Variants in SOX30 observed in about 807,000 individuals in gnomAD.
SOX30 encodes transcription factor SOX-30.
In SOX30, 17 loss-of-function variants were observed where a neutral mutation model predicts 58.6. The observed-to-expected ratio is 0.29, with a 90% CI of 0.20 to 0.44. SOX30 has a LOEUF of 0.44. SOX30 is among the 20% of genes least tolerant of loss of function. SOX30 has a pLI of 1.00. For synonymous variants in SOX30, 421 were observed against 400.2 expected (o/e 1.05, Z -0.62); for missense variants, 951 against 965.8 (o/e 0.98, Z 0.20).
chr5:157,630,943 CTA>C (rs1330678609), intron 4 of SOX30, among the ~76,000 whole-genome samples: 19 of 117,164 alleles, frequency 1.6e-4, no homozygotes, highest in Non-Finnish European at 2.1e-4. Context: ...TATATATATA[CTA>C]TATATATTGT....
At chr5:157,662,208 C>G (rs1265401510) in intron 2 of SOX30, among the ~76,000 whole-genome samples, 1 of 152,050 alleles carries the variant, frequency 6.6e-6, no homozygotes, top group Non-Finnish European at 1.5e-5. Flanking sequence ...CTCTTTTAAT[C>G]CCAATTTTGG....
chr5:157,652,371 C>G lies in SOX30; in HGVS notation c.-293G>C. ...CACTTGTTGCACATTTTCGTTCTGA[C>G]TCTCTTGTGGAGTTCTCTTACAGCC... On this transcript the variant is annotated 5_prime_UTR_variant, in exon 1 of 5. Transcript: ENST00000265007. The G allele has an allele frequency of 8.7e-7, 1 of 1,147,592 alleles. No homozygotes were observed. Among genetic ancestry groups the G allele is most frequent in the Non-Finnish European group, 1.1e-6 (1 of 935,432 alleles). 71.1% of individuals were successfully genotyped at this position (1,147,592 alleles called of 1,614,324 possible).
chr5:157,668,679 G>T (rs1344682286), intron 1 of SOX30, among the ~76,000 whole-genome samples: 3 of 152,134 alleles, frequency 2.0e-5, no homozygotes, highest in Non-Finnish European at 4.4e-5. Flanking sequence ...GACACCTCTG[G>T]CTTTTCCTGA....
intron 1 of SOX30, 127 bp downstream of exon 1, chr5:157,650,985 A>G (rs1248664388): frequency 2.9e-6 from 2 of 697,118 alleles, no homozygotes; most frequent in Non-Finnish European, 4.8e-6. Flanking sequence ...ACCTGTGCAG[A>G]CTCTGCCCTG....
At chr5:157,627,908 G>A (rs1758697021) in intron 4 of SOX30, among the ~76,000 whole-genome samples, 3 of 151,720 alleles carry the variant, frequency 2.0e-5, no homozygotes, top group Non-Finnish European at 4.4e-5. Context: ...GCAGGAGAAT[G>A]GCGTGAACCC....
At position 157,651,678 on chromosome 5, in the gene SOX30, T is replaced by A; in HGVS notation, c.401A>T (p.His134Leu). ...CAGCTTCTGCTTCTTGGCCTTGACA[T>A]GCAGCGCCAGGGGCTGCACCGGGTG... The part of the protein sequence containing the change: ...ELHPVQPLAL[H>L]VKAKKQKLGP... The change falls in exon 1 of 5, where the codon CAT (histidine) becomes CTT (leucine). Residue 134 changes from histidine (H) to leucine (L), a missense_variant. This residue lies in a region of SOX30 where 363 missense variants were observed against 294.5 expected (regional missense o/e 1.23). Transcript: ENST00000265007. 6.2e-7 allele frequency: 1 copy of A among 1,607,210 alleles called. No individual in the cohort carries two copies. The highest frequency in any genetic ancestry group is 8.5e-7 in the Non-Finnish European group (1 of 1,177,646).
At chr5:157,633,334 G>C (rs10452508) in intron 4 of SOX30, among the ~76,000 whole-genome samples, 36,075 of 151,936 alleles carry the variant, frequency 0.24, 6,483 homozygotes, top group African/African-American at 0.51. Flanking sequence ...ACAGCACATC[G>C]AGCTTAAAAC....
chr5:157,646,497 T>A, intron 3 of SOX30, 140 bp downstream of exon 3: 3 of 654,284 alleles, frequency 4.6e-6, no homozygotes, highest in Non-Finnish European at 7.7e-6. Context: ...TCCTATTTAA[T>A]GTTCTCACTT....
intron 4 of SOX30, 120 bp from the exon 5 acceptor site, chr5:157,626,841 C>T: frequency 1.9e-6 from 2 of 1,055,716 alleles, no homozygotes; most frequent in Non-Finnish European, 2.7e-6. Context: ...TCTGCAAACA[C>T]TTCATGTATT....
intron 2 of SOX30, among the ~76,000 whole-genome samples, chr5:157,663,837 C>G (rs1274024926): frequency 6.6e-6 from 1 of 152,148 alleles, no homozygotes; most frequent in Non-Finnish European, 1.5e-5. Context: ...CATGAGTGAA[C>G]TCCCATTCAC....
intron 2 of SOX30, among the ~76,000 whole-genome samples, chr5:157,663,756 C>T (rs1027872946): frequency 3.3e-5 from 5 of 152,164 alleles, no homozygotes; most frequent in African/African-American, 1.2e-4. Flanking sequence ...TCAGCAAAGT[C>T]TCAGGATACA....
chr5:157,665,627 A>G (rs556555415), intron 2 of SOX30, among the ~76,000 whole-genome samples: 11 of 148,030 alleles, frequency 7.4e-5, no homozygotes, highest in Admixed American at 6.1e-4. Context: ...AAATAAATAT[A>G]TATTTTAAAT....
At chr5:157,627,635 T>C (rs1758689400) in intron 4 of SOX30, among the ~76,000 whole-genome samples, 1 of 152,198 alleles carries the variant, frequency 6.6e-6, no homozygotes, top group Non-Finnish European at 1.5e-5. Flanking sequence ...TTAAAGGTCT[T>C]TTCCAAAACA....
intron 3 of SOX30, among the ~76,000 whole-genome samples, chr5:157,644,042 G>A (rs1204623834): frequency 6.6e-6 from 1 of 152,136 alleles, no homozygotes; most frequent in African/African-American, 2.4e-5. Flanking sequence ...CCATATGATT[G>A]GGGAACAAAA....
chr5:157,656,193 G>C (rs913695262), upstream of SOX30, among the ~76,000 whole-genome samples: 1 of 152,018 alleles, frequency 6.6e-6, no homozygotes, highest in African/African-American at 2.4e-5. Context: ...ATATAACAGA[G>C]GTTTGATTAA....
At chr5:157,637,098 A>G (rs1359964317) in intron 4 of SOX30, among the ~76,000 whole-genome samples, 1 of 140,778 alleles carries the variant, frequency 7.1e-6, no homozygotes. Flanking sequence ...GCGCCATTGC[A>G]CTCCAGCCTG....
At chr5:157,653,959 G>A (rs1380163481), upstream of SOX30, among the ~76,000 whole-genome samples, 1 of 152,156 alleles carries the variant, frequency 6.6e-6, no homozygotes, top group African/African-American at 2.4e-5. Context: ...TTGAGGTCAG[G>A]AGTTCGAGAC....
chr5:157,638,580 G>A lies in SOX30; in HGVS notation c.1530C>T (p.Pro510=), dbSNP rs1445082243. ...PSLPVYPALP[P]QRFTGPSQTD... ...TTTGGGAAGGCCCAGTAAAGCGTTG[G>A]GGTGGGAGTGCTGGATAGACAGGTA... The change falls in exon 4 of 5, where the codon CCC becomes CCT. Residue 510 remains proline (P), a synonymous_variant. Transcript: ENST00000265007. 6.2e-7 allele frequency: 1 copy of A among 1,614,058 alleles called. No homozygotes were observed. Among genetic ancestry groups the A allele is most frequent in the Non-Finnish European group, 8.5e-7 (1 of 1,180,038 alleles).
chr5:157,636,622 C>A (rs1758932889), intron 4 of SOX30, among the ~76,000 whole-genome samples: 1 of 152,172 alleles, frequency 6.6e-6, no homozygotes, highest in South Asian at 2.1e-4. Flanking sequence ...TTCTTCCAGT[C>A]CTGAGCTAAG....
Sources: gnomAD v4.1 joint callset for allele counts (sites outside exome capture counted in the v4.1 genomes callset) on GRCh38, gnomAD v4.1.1 for gene constraint, gnomAD v4.1.1 regional missense constraint, MANE v1.5 for transcripts, NCBI Gene and HGNC (gene_info 2026-07-23, HGNC 2026-07-21) for gene names.